Variants in VPS13B observed in about 807,000 individuals in gnomAD.
The protein encoded by VPS13B is vacuolar protein sorting 13 homolog B.
In VPS13B, 285 loss-of-function variants were observed where a neutral mutation model predicts 426.4. That is an observed-to-expected ratio of 0.67 (90% CI 0.61 to 0.74). The LOEUF (loss-of-function observed/expected upper bound fraction) is 0.74, where lower values mean the gene tolerates loss of function less well. VPS13B is among the 30% of genes least tolerant of loss of function. VPS13B has a pLI of 0.00. For synonymous variants in VPS13B, 1,676 were observed against 1,676.4 expected (o/e 1.00, Z 0.01); for missense variants, 4,537 against 4,782.6 (o/e 0.95, Z 1.51).
intron 30 of VPS13B, among the ~76,000 whole-genome samples, chr8:99,530,751 A>G (rs943869451): frequency 6.6e-6 from 1 of 152,154 alleles, no homozygotes; most frequent in African/African-American, 2.4e-5. Context: ...CGAACCTCAT[A>G]ATAATCTCAT....
intron 31 of VPS13B, among the ~76,000 whole-genome samples, chr8:99,568,924 G>A (rs954957200): frequency 6.6e-6 from 1 of 151,008 alleles, no homozygotes; most frequent in Non-Finnish European, 1.5e-5. Flanking sequence ...CCATTCTCCT[G>A]CCTCAGCCTC....
intron 17 of VPS13B, among the ~76,000 whole-genome samples, chr8:99,270,915 A>G (rs1409662410): frequency 6.6e-6 from 1 of 152,230 alleles, no homozygotes; most frequent in Non-Finnish European, 1.5e-5. Context: ...TAAATAGAGT[A>G]GCTCAGCATC....
chr8:99,100,480 G>T (rs1372596771), intron 4 of VPS13B, among the ~76,000 whole-genome samples: 1 of 151,950 alleles, frequency 6.6e-6, no homozygotes, highest in African/African-American at 2.4e-5. Context: ...TGTAGAGACG[G>T]GGTTTTACCA....
intron 15 of VPS13B, among the ~76,000 whole-genome samples, chr8:99,166,160 T>C (rs967980990): frequency 6.6e-6 from 1 of 152,136 alleles, no homozygotes; most frequent in Non-Finnish European, 1.5e-5. Context: ...TTTGTATTTT[T>C]AGTGGAGACG....
At chr8:99,387,177 A>G (rs890404306) in intron 20 of VPS13B, among the ~76,000 whole-genome samples, 4 of 152,072 alleles carry the variant, frequency 2.6e-5, no homozygotes, top group Admixed American at 2.6e-4. Context: ...TTGTATCACC[A>G]AATTGCTTCC....
At chr8:99,467,118 A>G (rs192063074) in intron 23 of VPS13B, among the ~76,000 whole-genome samples, 20 of 152,294 alleles carry the variant, frequency 1.3e-4, no homozygotes, top group Admixed American at 8.5e-4. Flanking sequence ...TACGTCCCCA[A>G]CAGTTTCACA....
At chr8:99,468,146 G>A (rs953273458) in intron 24 of VPS13B, among the ~76,000 whole-genome samples, 4 of 151,824 alleles carry the variant, frequency 2.6e-5, no homozygotes, top group Admixed American at 2.0e-4. Flanking sequence ...GCTATCCCCC[G>A]ACCCCCCAGC....
At chr8:99,350,256 G>A (rs1436346915) in intron 19 of VPS13B, among the ~76,000 whole-genome samples, 1 of 152,178 alleles carries the variant, frequency 6.6e-6, no homozygotes, top group Non-Finnish European at 1.5e-5. Context: ...GAAACATAGT[G>A]GCCACAATCT....
At chr8:99,463,824 CTGGGATTA>C (rs1818958858) in intron 23 of VPS13B, among the ~76,000 whole-genome samples, 1 of 152,080 alleles carries the variant, frequency 6.6e-6, no homozygotes, top group Non-Finnish European at 1.5e-5. Flanking sequence ...TCCCAAGTAG[CTGGGATTA>C]CAGGCGTGCA....
At chr8:99,362,426 G>A (rs765717390) in intron 19 of VPS13B, among the ~76,000 whole-genome samples, 4 of 152,090 alleles carry the variant, frequency 2.6e-5, no homozygotes, top group Non-Finnish European at 5.9e-5. Context: ...ATAAGCGTGG[G>A]ACACCGCGCC....
At chr8:99,139,221 C>T (rs1810254290) in intron 12 of VPS13B, among the ~76,000 whole-genome samples, 1 of 151,952 alleles carries the variant, frequency 6.6e-6, no homozygotes, top group Non-Finnish European at 1.5e-5. Flanking sequence ...TCTTTTCTAC[C>T]ACACTCTGCC....
chr8:99,500,526 A>G (rs1320863389), intron 25 of VPS13B, among the ~76,000 whole-genome samples: 1 of 152,170 alleles, frequency 6.6e-6, no homozygotes, highest in East Asian at 1.9e-4. Flanking sequence ...AGAGGAGTGT[A>G]CAGTTAAACT....
At chr8:99,034,337 A>G (rs1842644008) in intron 2 of VPS13B, among the ~76,000 whole-genome samples, 1 of 151,924 alleles carries the variant, frequency 6.6e-6, no homozygotes, top group African/African-American at 2.4e-5. Context: ...CCTTTGAGCT[A>G]GTTAGGTATT....
chr8:99,026,301 T>A (rs1842131961), intron 2 of VPS13B, among the ~76,000 whole-genome samples: 1 of 152,220 alleles, frequency 6.6e-6, no homozygotes, highest in Non-Finnish European at 1.5e-5. Flanking sequence ...ATTTGTACAG[T>A]TTCCAAAGTG....
At chr8:99,819,298 A>G (rs571170633) in intron 47 of VPS13B, 114 bp from the exon 48 acceptor site, 44 of 1,258,886 alleles carry the variant, frequency 3.5e-5, no homozygotes, top group Non-Finnish European at 4.8e-5. Flanking sequence ...AATGGACTCT[A>G]TCTACCAAAA....
At chr8:99,430,924 G>C (rs924015432) in intron 21 of VPS13B, among the ~76,000 whole-genome samples, 1 of 152,090 alleles carries the variant, frequency 6.6e-6, no homozygotes, top group Non-Finnish European at 1.5e-5. Context: ...CACCATGTTA[G>C]CCAGGCTTGT....
At chr8:99,048,698 C>CAGG (rs1843360188) in intron 3 of VPS13B, among the ~76,000 whole-genome samples, 1 of 151,910 alleles carries the variant, frequency 6.6e-6, no homozygotes, top group Non-Finnish European at 1.5e-5. Flanking sequence ...GCCTGTAATC[C>CAGG]CAGCCACTCA....
rs532320670 is a variant in VPS13B, at chr8:99,507,710, C to T, written c.4224+507C>T. The T allele has an allele frequency of 9.0e-5, 145 of 1,610,710 alleles. 1 individual carries two copies. The African/African-American group carries it at 1.9e-3, about 21-fold the overall frequency. On this transcript the variant is annotated intron_variant, in intron 28 of 61. Coordinates refer to ENST00000357162, the MANE Select transcript of VPS13B (RefSeq NM_152564.5). ...TTAAAACTATCCAGATATTTTTTTG[C>T]TTATGGCTTTTATTGCTTTTTGTCT...
chr8:99,767,806 T>C (rs1811301487), intron 40 of VPS13B, among the ~76,000 whole-genome samples: 1 of 152,072 alleles, frequency 6.6e-6, no homozygotes, highest in Non-Finnish European at 1.5e-5. Flanking sequence ...CACACACCTG[T>C]AGTTCCAGCT....
Sources: allele counts gnomAD v4.1 joint callset (sites outside exome capture counted in the v4.1 genomes callset), GRCh38; gene constraint gnomAD v4.1.1; transcripts MANE v1.5; gene names NCBI Gene and HGNC (gene_info 2026-07-23, HGNC 2026-07-21).